Variants in NCKAP5 observed in about 807,000 individuals in gnomAD.
NCKAP5 encodes the protein NCK associated protein 5, also known as nck-associated protein 5.
NCKAP5 carries 92 observed loss-of-function variants against 167.0 expected under a neutral mutation model. That is an observed-to-expected ratio of 0.55 (90% CI 0.47 to 0.66). NCKAP5 has a LOEUF of 0.66. Among genes scored for constraint, NCKAP5 ranks in the 30% least tolerant of loss-of-function variants. The probability of loss-of-function intolerance (pLI) is 0.00; values close to 1 mark genes in which losing one functional copy is unlikely to be tolerated. For synonymous variants in NCKAP5, 891 were observed against 877.4 expected (o/e 1.02, Z -0.27); for missense variants, 2,378 against 2,315.0 (o/e 1.03, Z -0.56).
intron 4 of NCKAP5, among the ~76,000 whole-genome samples, chr2:133,263,711 A>C (rs892045630): frequency 2.0e-5 from 3 of 152,148 alleles, no homozygotes; most frequent in African/African-American, 7.2e-5. Context: ...CTCCCTAAAA[A>C]TTATTTTAAA....
chr2:133,382,540 C>G (rs1686602681), intron 3 of NCKAP5, among the ~76,000 whole-genome samples: 1 of 152,176 alleles, frequency 6.6e-6, no homozygotes, highest in African/African-American at 2.4e-5. Flanking sequence ...CCTCTCACTT[C>G]CCCTGCTCCT....
chr2:132,770,762 T>C (rs1201516817), intron 16 of NCKAP5, among the ~76,000 whole-genome samples: 2 of 152,158 alleles, frequency 1.3e-5, no homozygotes, highest in African/African-American at 4.8e-5. Flanking sequence ...GAACATACAG[T>C]CATGTACAAC....
chr2:132,861,595 C>G (rs1156613408), intron 10 of NCKAP5, among the ~76,000 whole-genome samples: 1 of 152,106 alleles, frequency 6.6e-6, no homozygotes, highest in Admixed American at 6.5e-5. Context: ...ACCTTCTTCT[C>G]TTTTCCTTCC....
chr2:133,319,453 T>C (rs1404829722), intron 3 of NCKAP5, among the ~76,000 whole-genome samples: 1 of 152,050 alleles, frequency 6.6e-6, no homozygotes. Flanking sequence ...GCACCCGGGA[T>C]GTTACCTTTT....
intron 13 of NCKAP5, 105 bp downstream of exon 13, chr2:132,789,918 A>T (rs1220426002): frequency 1.6e-5 from 17 of 1,066,238 alleles, no homozygotes; most frequent in Non-Finnish European, 2.1e-5. Flanking sequence ...TGCTCAGCAA[A>T]TGGTGGCTTC....
At chr2:133,426,279 A>G (rs112135638) in intron 3 of NCKAP5, among the ~76,000 whole-genome samples, 18,576 of 152,080 alleles carry the variant, frequency 0.12, 1,283 homozygotes, top group Non-Finnish European at 0.16. Context: ...CAAAAAAAAA[A>G]GTTCAAGTTA....
At chr2:133,138,142 A>G (rs1161289771) in intron 5 of NCKAP5, among the ~76,000 whole-genome samples, 1 of 152,144 alleles carries the variant, frequency 6.6e-6, no homozygotes, top group Non-Finnish European at 1.5e-5. Flanking sequence ...ATAGGCATCT[A>G]TCAAAGGCAA....
chr2:133,294,293 C>T (rs530932773), intron 4 of NCKAP5, among the ~76,000 whole-genome samples: 5 of 152,242 alleles, frequency 3.3e-5, no homozygotes, highest in African/African-American at 9.6e-5. Context: ...TAATACTCGG[C>T]GTCCCCTTAG....
intron 8 of NCKAP5, among the ~76,000 whole-genome samples, chr2:132,899,837 T>C (rs927386660): frequency 3.9e-5 from 6 of 152,156 alleles, no homozygotes; most frequent in Non-Finnish European, 8.8e-5. Flanking sequence ...ATTGAGCCAC[T>C]ACATTCCAGC....
intron 2 of NCKAP5, among the ~76,000 whole-genome samples, chr2:133,531,887 C>G (rs1685393449): frequency 6.6e-6 from 1 of 152,292 alleles, no homozygotes; most frequent in African/African-American, 2.4e-5. Flanking sequence ...TTTAATCTTT[C>G]CTCTCTTTTA....
chr2:133,194,216 G>A (rs1274102570), intron 5 of NCKAP5, among the ~76,000 whole-genome samples: 2 of 151,850 alleles, frequency 1.3e-5, no homozygotes, highest in Non-Finnish European at 2.9e-5. Context: ...TTTAAAAGTG[G>A]TTATCCTATA....
intron 5 of NCKAP5, among the ~76,000 whole-genome samples, chr2:133,210,685 A>T (rs1322190475): frequency 6.6e-6 from 1 of 152,212 alleles, no homozygotes; most frequent in Admixed American, 6.5e-5. Context: ...GAAAAGCTGA[A>T]GCATATAATT....
intron 4 of NCKAP5, among the ~76,000 whole-genome samples, chr2:133,215,519 C>T (rs1320654815): frequency 2.0e-5 from 3 of 152,086 alleles, no homozygotes; most frequent in African/African-American, 7.2e-5. Context: ...AAGACATGTA[C>T]CAGAATGTTC....
chr2:132,911,365 A>G (rs1694439163), intron 8 of NCKAP5: 1 of 152,350 alleles, frequency 6.6e-6, no homozygotes, highest in Admixed American at 6.5e-5. Context: ...CCAGTGCACT[A>G]CAATTCACTT....
chr2:133,590,309 T>A, the NCKAP5 span, among the ~76,000 whole-genome samples: 1 of 89,058 alleles, frequency 1.1e-5, no homozygotes, highest in African/African-American at 6.4e-5. Context: ...GCTAACACAG[T>A]GAAACCCCAT....
intron 3 of NCKAP5, among the ~76,000 whole-genome samples, chr2:133,498,472 AAGGAAGGAAGGC>A (rs796189357): frequency 1.7e-3 from 207 of 122,666 alleles, no homozygotes; most frequent in African/African-American, 6.4e-3. Context: ...GGAAGGAAGG[AAGGAAGGAAGGC>A]AGGCAGGCAG....
chr2:132,727,008 G>A (rs111967470), intron 18 of NCKAP5, among the ~76,000 whole-genome samples: 25 of 152,290 alleles, frequency 1.6e-4, no homozygotes, highest in African/African-American at 2.9e-4. Context: ...ACCAGGCATC[G>A]TGCCAGGTAC....
chr2:133,071,657 T>C (rs2080408891), intron 6 of NCKAP5, among the ~76,000 whole-genome samples: 1 of 152,208 alleles, frequency 6.6e-6, no homozygotes, highest in Non-Finnish European at 1.5e-5. Flanking sequence ...TCCTATTCTT[T>C]CCGAGCGTCT....
At chr2:133,537,978 A>T (rs775073183) in intron 2 of NCKAP5, among the ~76,000 whole-genome samples, 2 of 152,134 alleles carry the variant, frequency 1.3e-5, no homozygotes, top group African/African-American at 2.4e-5. Context: ...AACTCCTATA[A>T]CCTCAGAAAA....
Sources: gnomAD v4.1 joint callset for allele counts (sites outside exome capture counted in the v4.1 genomes callset) on GRCh38, gnomAD v4.1.1 for gene constraint, MANE v1.5 for transcripts, NCBI Gene and HGNC (gene_info 2026-07-23, HGNC 2026-07-21) for gene names.